The following MVB12B variants were observed in gnomAD, a reference collection of about 807,000 sequenced individuals.
MVB12B encodes ESCRT-I complex subunit MVB12B.
Under a neutral mutation model 41.6 loss-of-function variants are expected in MVB12B, and 16 were observed. The ratio of observed to expected loss-of-function variants is 0.38; its 90% CI spans 0.26 to 0.58. MVB12B has a LOEUF of 0.58. Among genes scored for constraint, MVB12B ranks in the 20% least tolerant of loss-of-function variants. The probability of loss-of-function intolerance (pLI) is 0.62; values close to 1 mark genes in which losing one functional copy is unlikely to be tolerated. For missense variants in MVB12B, 274 were observed against 380.2 expected, an observed-to-expected ratio of 0.72 and a Z score of 2.32; for synonymous variants, 133 against 139.7, an observed-to-expected ratio of 0.95 and a Z score of 0.34.
chr9:126,434,511 G>T (rs1588169794), intron 7 of MVB12B, among the ~76,000 whole-genome samples: 1 of 152,220 alleles, frequency 6.6e-6, no homozygotes, highest in Non-Finnish European at 1.5e-5. Flanking sequence ...GCTTGCCTCG[G>T]TGGCCCTAAG....
chr9:126,484,003 A>G lies in MVB12B; in HGVS notation c.844A>G (p.Ile282Val), dbSNP rs763339136. The G allele has an allele frequency of 2.5e-6, 4 of 1,613,970 alleles. No homozygotes were observed. Among genetic ancestry groups the G allele is most frequent in the East Asian group, 4.5e-5 (2 of 44,888 alleles). ...MQPFDLLGIT[I>V]KSLAEIEKEY... Reference sequence around the variant, plus strand: ...GCCCTTTGATCTCCTGGGAATCACCATCAAATCTCTAGCAGAAATCGAAAA... The same window carrying G: ...GCCCTTTGATCTCCTGGGAATCACCGTCAAATCTCTAGCAGAAATCGAAAA... The change falls in exon 9 of 10, where the codon ATC becomes GTC. Residue 282 changes from isoleucine to valine, a missense_variant. Coordinates refer to ENST00000361171, the MANE Select transcript of MVB12B (RefSeq NM_033446.3).
chr9:126,415,755 A>T (rs1831800537), intron 6 of MVB12B, among the ~76,000 whole-genome samples: 1 of 151,884 alleles, frequency 6.6e-6, no homozygotes, highest in Non-Finnish European at 1.5e-5. Context: ...GCCCCTGGGG[A>T]TGTGGTGGGA....
intron 7 of MVB12B, among the ~76,000 whole-genome samples, chr9:126,444,708 G>A (rs1290852015): frequency 6.6e-6 from 1 of 151,904 alleles, no homozygotes; most frequent in Non-Finnish European, 1.5e-5. Flanking sequence ...GTATATTCTA[G>A]TACCTTCATT....
At chr9:126,404,550 G>A (rs1831364049) in intron 6 of MVB12B, among the ~76,000 whole-genome samples, 1 of 152,224 alleles carries the variant, frequency 6.6e-6, no homozygotes, top group South Asian at 2.1e-4. Context: ...AGCTTCTCCA[G>A]GCTCCTGACC....
intron 6 of MVB12B, among the ~76,000 whole-genome samples, chr9:126,407,608 T>C (rs1169542755): frequency 1.3e-5 from 2 of 152,084 alleles, no homozygotes; most frequent in African/African-American, 2.4e-5. Flanking sequence ...CACTGACAGA[T>C]TGAGACTACC....
At chr9:126,448,591 A>T (rs10739673) in intron 7 of MVB12B, among the ~76,000 whole-genome samples, 151,643 of 152,362 alleles carry the variant, frequency 1, 75,470 homozygotes, top group Middle Eastern at 1. Flanking sequence ...GAAGCTCCAG[A>T]ATCTGCTCCT....
chr9:126,457,473 C>A (rs1406883398), intron 7 of MVB12B, among the ~76,000 whole-genome samples: 1 of 152,120 alleles, frequency 6.6e-6, no homozygotes, highest in African/African-American at 2.4e-5. Context: ...TATGTCATGA[C>A]CTTCAAGACT....
intron 7 of MVB12B, among the ~76,000 whole-genome samples, chr9:126,455,717 C>A (rs1832968653): frequency 6.6e-6 from 1 of 150,678 alleles, no homozygotes; most frequent in African/African-American, 2.4e-5. Flanking sequence ...AACTCCTGGG[C>A]TCAAGTGATC....
At chr9:126,409,106 C>T (rs966058389) in intron 6 of MVB12B, among the ~76,000 whole-genome samples, 7 of 148,828 alleles carry the variant, frequency 4.7e-5, no homozygotes, top group Non-Finnish European at 8.9e-5. Context: ...GGCATCGTGA[C>T]TTCCATTGTG....
At chr9:126,454,737 C>A (rs1333836158) in intron 7 of MVB12B, among the ~76,000 whole-genome samples, 2 of 151,994 alleles carry the variant, frequency 1.3e-5, no homozygotes, top group Non-Finnish European at 2.9e-5. Context: ...AATGTGCATG[C>A]CACGTAATAC....
chr9:126,444,498 C>G (rs1269459596), intron 7 of MVB12B, among the ~76,000 whole-genome samples: 2 of 152,168 alleles, frequency 1.3e-5, no homozygotes, highest in Middle Eastern at 3.4e-3. Flanking sequence ...AGACCTTTGC[C>G]TGTCTGTCCG....
chr9:126,456,870 G>GAAAAA (rs386416241), intron 7 of MVB12B, among the ~76,000 whole-genome samples: 14 of 145,210 alleles, frequency 9.6e-5, no homozygotes, highest in Non-Finnish European at 1.8e-4. Context: ...GTTTATAAAA[G>GAAAAA]AAAAAGTAAG....
At chr9:126,489,658 G>A (rs758723274) in intron 9 of MVB12B, among the ~76,000 whole-genome samples, 3 of 152,188 alleles carry the variant, frequency 2.0e-5, no homozygotes, top group Non-Finnish European at 4.4e-5. Flanking sequence ...CTCAAACGCC[G>A]TCACCCTGCT....
At chr9:126,377,629 G>C (rs1002149654) in intron 2 of MVB12B, among the ~76,000 whole-genome samples, 1 of 152,038 alleles carries the variant, frequency 6.6e-6, no homozygotes. Flanking sequence ...GAGCCCATCC[G>C]TGTCAGGCAT....
chr9:126,489,763 C>T (rs908157796), intron 9 of MVB12B, among the ~76,000 whole-genome samples: 2 of 152,222 alleles, frequency 1.3e-5, no homozygotes, highest in Non-Finnish European at 2.9e-5. Flanking sequence ...AGAGCAGGGG[C>T]TTTGCTGTCC....
At chr9:126,427,113 G>GC (rs1390259177) in intron 7 of MVB12B, 1 of 152,178 alleles carries the variant, frequency 6.6e-6, no homozygotes, top group Non-Finnish European at 1.5e-5. Flanking sequence ...TTACCACCTT[G>GC]CGGGGGGGAG....
intron 7 of MVB12B, among the ~76,000 whole-genome samples, chr9:126,458,124 G>A (rs1251141443): frequency 1.3e-5 from 2 of 152,052 alleles, no homozygotes; most frequent in Non-Finnish European, 2.9e-5. Flanking sequence ...CTGCTCAAAC[G>A]GTTTTTCCAC....
intron 3 of MVB12B, among the ~76,000 whole-genome samples, chr9:126,381,753 A>G (rs1564300252): frequency 6.6e-6 from 1 of 151,816 alleles, no homozygotes; most frequent in African/African-American, 2.4e-5. Flanking sequence ...TTTTAAAAAC[A>G]TCTAATAAGA....
chr9:126,345,868 C>A (rs888250995), intron 2 of MVB12B, among the ~76,000 whole-genome samples: 2 of 152,218 alleles, frequency 1.3e-5, no homozygotes, highest in South Asian at 2.1e-4. Context: ...GGTTACATAG[C>A]CCCTTAGTGA....
Sources: allele counts gnomAD v4.1 joint callset (sites outside exome capture counted in the v4.1 genomes callset), GRCh38; gene constraint gnomAD v4.1.1; transcripts MANE v1.5; gene names NCBI Gene and HGNC (gene_info 2026-07-23, HGNC 2026-07-21).